C12orf50: variants seen among roughly 807,000 people sequenced by gnomAD.
C12orf50 encodes zinc finger CCCH-type containing 11D.
C12orf50 carries 35 observed loss-of-function variants against 61.6 expected under a neutral mutation model. The ratio of observed to expected loss-of-function variants is 0.57; its 90% CI spans 0.43 to 0.75. The LOEUF is 0.75. C12orf50 is among the 30% of genes least tolerant of loss of function. The pLI is 0.00. For synonymous variants in C12orf50, 178 were observed against 161.5 expected (o/e 1.10, Z -0.77); for missense variants, 475 against 488.5 (o/e 0.97, Z 0.26).
At chr12:87,997,884 A>G (rs528910542) in intron 4 of C12orf50, 151 bp downstream of exon 4, 10 of 627,472 alleles carry the variant, frequency 1.6e-5, no homozygotes, top group African/African-American at 1.5e-4. Context: ...ATTAGAACAT[A>G]ATGAATTAAA....
intron 3 of C12orf50, among the ~76,000 whole-genome samples, chr12:88,008,630 T>C (rs1416501399): frequency 6.6e-6 from 1 of 152,088 alleles, no homozygotes; most frequent in Non-Finnish European, 1.5e-5. Context: ...TTTTTACCTA[T>C]TTAAAACTGT....
chr12:87,998,719 A>G (rs886566853), intron 3 of C12orf50, among the ~76,000 whole-genome samples: 2 of 152,222 alleles, frequency 1.3e-5, no homozygotes, highest in African/African-American at 4.8e-5. Flanking sequence ...AAAGTAATCA[A>G]GACTATCTGG....
intron 7 of C12orf50, among the ~76,000 whole-genome samples, chr12:87,993,441 A>G (rs2031228755): frequency 6.6e-6 from 1 of 152,216 alleles, no homozygotes; most frequent in African/African-American, 2.4e-5. Flanking sequence ...ATTTGTAGCT[A>G]AAACTTATTG....
In C12orf50 at chr12:88,029,300, G is replaced by T. The variant is rs77816179; in HGVS notation, c.-109+40C>A. 246 of 208,630 alleles carry T rather than the reference G, an allele frequency of 1.2e-3. 1 individual carries two copies. The highest frequency in any genetic ancestry group is 6.1e-3 in the East Asian group (48 of 7,864). 12.9% of individuals were successfully genotyped at this position (208,630 alleles called of 1,614,324 possible). ...TGACCTCCTGTTGACAGTATATTAC[G>T]CAATAGATAATTCTTAAAGACATTT... On this transcript the variant is annotated intron_variant, in intron 1 of 12. Transcript: ENST00000298699.
At chr12:88,005,597 C>A (rs2031827869) in intron 3 of C12orf50, among the ~76,000 whole-genome samples, 1 of 152,150 alleles carries the variant, frequency 6.6e-6, no homozygotes, top group Non-Finnish European at 1.5e-5. Context: ...AAGTTTGTTC[C>A]AATCCCAAAA....
intron 3 of C12orf50, among the ~76,000 whole-genome samples, chr12:88,007,239 T>TACCA (rs2031919747): frequency 6.6e-6 from 1 of 152,224 alleles, no homozygotes; most frequent in Non-Finnish European, 1.5e-5. Context: ...TTAAGATCTC[T>TACCA]TTTATAATAT....
At chr12:87,982,025 A>C (rs2030503376) in intron 12 of C12orf50, among the ~76,000 whole-genome samples, 1 of 152,018 alleles carries the variant, frequency 6.6e-6, no homozygotes, top group Admixed American at 6.6e-5. Flanking sequence ...ATATTTAACT[A>C]TCTGGTATGG....
At chr12:88,018,882 TA>T (rs2032409982) in intron 3 of C12orf50, among the ~76,000 whole-genome samples, 3 of 152,346 alleles carry the variant, frequency 2.0e-5, no homozygotes, top group Admixed American at 2.0e-4. Flanking sequence ...CCAATGCCTG[TA>T]ACCCCATTGT....
At chr12:87,991,064 G>C (rs978848254) in intron 7 of C12orf50, among the ~76,000 whole-genome samples, 7 of 152,104 alleles carry the variant, frequency 4.6e-5, no homozygotes, top group African/African-American at 1.2e-4. Context: ...TGCTTTAGGG[G>C]TAAGGGTCTT....
intron 3 of C12orf50, among the ~76,000 whole-genome samples, chr12:88,006,115 A>C (rs367552699): frequency 3.3e-4 from 50 of 151,916 alleles, no homozygotes; most frequent in African/African-American, 9.2e-4. Context: ...ACAGGGTTTC[A>C]CCGTGTTAGC....
In C12orf50 at chr12:88,017,619, G is replaced by A. The variant is rs544463086; in HGVS notation, c.133+8869C>T. 5.1e-4 allele frequency among the ~76,000 whole-genome samples: 77 copies of A among 152,290 alleles called. 1 individual carries two copies. The highest frequency in any genetic ancestry group is 3.4e-3 in the Middle Eastern group (1 of 294). ...AGGTTGGAACAGTTTGAAGGGCTCAGAATAACACAGAAAAATGTGGGAAAG... is the reference window on the plus strand; with the variant it reads ...AGGTTGGAACAGTTTGAAGGGCTCAAAATAACACAGAAAAATGTGGGAAAG... On this transcript the variant is annotated intron_variant, in intron 3 of 12. Transcript: ENST00000298699.
chr12:88,012,270 A>G (rs1032991703), intron 3 of C12orf50, among the ~76,000 whole-genome samples: 5 of 152,182 alleles, frequency 3.3e-5, no homozygotes, highest in Non-Finnish European at 7.3e-5. Flanking sequence ...TTCAAAACAA[A>G]TTCAGTTTTT....
intron 3 of C12orf50, among the ~76,000 whole-genome samples, chr12:88,005,405 A>G (rs1001934666): frequency 6.6e-6 from 1 of 152,144 alleles, no homozygotes; most frequent in Admixed American, 6.5e-5. Flanking sequence ...ATTTTGCTCC[A>G]TTCCCTGGTT....
chr12:88,023,666 C>CAA (rs61438235), intron 3 of C12orf50, among the ~76,000 whole-genome samples: 3 of 86,006 alleles, frequency 3.5e-5, no homozygotes, highest in African/African-American at 1.1e-4. Flanking sequence ...GACTCCATCT[C>CAA]AAAAAAAAAA....
In C12orf50 at chr12:88,015,623, A is replaced by G. The variant is rs1226063543; in HGVS notation, c.133+10865T>C. Among the ~76,000 whole-genome samples, 3 of 152,230 alleles carry G rather than the reference A, an allele frequency of 2.0e-5. No individual in the cohort carries two copies. The East Asian group carries it at 5.8e-4, about 29-fold the overall frequency. ...AAGAGATTACACTAACTTCTAGTGC[A>G]TACCATAGGAGAAAGAATAAGTGCC... On this transcript the variant is annotated intron_variant, in intron 3 of 12. Transcript: ENST00000298699.
At chr12:88,025,499 T>C (rs745765858) in intron 3 of C12orf50, among the ~76,000 whole-genome samples, 8 of 152,134 alleles carry the variant, frequency 5.3e-5, no homozygotes, top group African/African-American at 1.2e-4. Flanking sequence ...TGTAGTGTTA[T>C]TGGCAGTCAG....
intron 4 of C12orf50, among the ~76,000 whole-genome samples, chr12:87,997,394 A>G (rs1366463317): frequency 6.6e-6 from 1 of 150,802 alleles, no homozygotes; most frequent in Non-Finnish European, 1.5e-5. Context: ...AGATATATAA[A>G]TATCTATATA....
At chr12:88,022,617 G>A (rs1230721525) in intron 3 of C12orf50, among the ~76,000 whole-genome samples, 1 of 152,124 alleles carries the variant, frequency 6.6e-6, no homozygotes, top group Non-Finnish European at 1.5e-5. Flanking sequence ...CATAATCTCT[G>A]CCCAAAAGTG....
chr12:88,024,092 A>C (rs2032616316), intron 3 of C12orf50, among the ~76,000 whole-genome samples: 1 of 152,158 alleles, frequency 6.6e-6, no homozygotes, highest in African/African-American at 2.4e-5. Flanking sequence ...ACCTCATACC[A>C]ATAAGAATGG....
Sources: allele counts gnomAD v4.1 joint callset (sites outside exome capture counted in the v4.1 genomes callset), GRCh38; gene constraint gnomAD v4.1.1; transcripts MANE v1.5; gene names NCBI Gene and HGNC (gene_info 2026-07-23, HGNC 2026-07-21).